SH3BP5: variants seen among roughly 807,000 people sequenced by gnomAD.
SH3BP5 encodes SH3 domain-binding protein 5.
A neutral mutation model predicts 43.3 loss-of-function variants in SH3BP5; 22 were observed. The ratio of observed to expected loss-of-function variants is 0.51; its 90% CI spans 0.36 to 0.73. The LOEUF (loss-of-function observed/expected upper bound fraction) is 0.73. Ranked by LOEUF, SH3BP5 falls within the 30% of genes least tolerant of loss-of-function variation. The pLI is 0.00. For synonymous variants in SH3BP5, 255 were observed against 225.8 expected (o/e 1.13, Z -1.16); for missense variants, 529 against 586.9 (o/e 0.90, Z 1.02).
intron 2 of SH3BP5, among the ~76,000 whole-genome samples, chr3:15,330,275 G>A (rs1382752998): frequency 6.6e-6 from 1 of 152,218 alleles, no homozygotes; most frequent in East Asian, 1.9e-4. Context: ...ACTTGGTTTA[G>A]GCCCCATGGA....
chr3:15,307,918 C>A (rs1697954949), intron 2 of SH3BP5, among the ~76,000 whole-genome samples: 1 of 152,184 alleles, frequency 6.6e-6, no homozygotes, highest in South Asian at 2.1e-4. Flanking sequence ...GAATTGAGCC[C>A]CAAAGCAGTG....
chr3:15,257,437 C>T (rs1403733621), intron 7 of SH3BP5: 1 of 260,488 alleles, frequency 3.8e-6, no homozygotes, highest in Non-Finnish European at 7.4e-6. Flanking sequence ...TACTCCACCT[C>T]AGTCCCCCAA....
intron 2 of SH3BP5, among the ~76,000 whole-genome samples, chr3:15,321,205 T>C (rs1186653918): frequency 1.3e-5 from 2 of 152,242 alleles, no homozygotes; most frequent in African/African-American, 4.8e-5. Context: ...GTAACTAAGT[T>C]CAAATATCTA....
At position 15,269,447 on chromosome 3, in the gene SH3BP5, C is replaced by T. The variant is rs150493715; in HGVS notation, c.495+266G>A. ...CTGGAAGCCTGAGTCCAGTCAAGAC[C>T]CCCTGGGGATGACCCAAACCAGACA... On this transcript the variant is annotated intron_variant, in intron 4 of 8. Coordinates refer to ENST00000383791, the MANE Select transcript of SH3BP5 (RefSeq NM_004844.5). 7.3e-3 allele frequency among the ~76,000 whole-genome samples: 1,109 copies of T among 152,196 alleles called. 12 individuals are homozygous for T. The highest frequency in any genetic ancestry group is 0.024 in the African/African-American group (976 of 41,516).
chr3:15,258,037 G>A (rs555240958), intron 7 of SH3BP5: 1 of 152,220 alleles, frequency 6.6e-6, no homozygotes, highest in Non-Finnish European at 1.5e-5. Context: ...TTGAGATGAT[G>A]TATATATTAA....
In SH3BP5 at chr3:15,265,511, G is replaced by GTC. The variant is rs1446877708; in HGVS notation, c.496-3224_496-3223dup. 2.2e-3 allele frequency among the ~76,000 whole-genome samples: 68 copies of GTC among 31,060 alleles called. 2 individuals carry two copies. The highest frequency in any genetic ancestry group is 0.013 in the African/African-American group (63 of 5,030). 20.4% of individuals were successfully genotyped at this position (31,060 alleles called of 152,430 possible). A position where few individuals can be genotyped will look rare whatever the true frequency, so the allele number is the denominator to read the frequency against. ...AGCCTGAGCTACAGGGCGAGACTCC[G>GTC]TCACACACACACACACACACACACA... On this transcript the variant is annotated intron_variant, in intron 4 of 8. Transcript: ENST00000383791.
At chr3:15,292,345 G>A (rs561072514) in intron 3 of SH3BP5, among the ~76,000 whole-genome samples, 1 of 152,234 alleles carries the variant, frequency 6.6e-6, no homozygotes, top group African/African-American at 2.4e-5. Context: ...CACCAAGGGG[G>A]GCTCAGCCAT....
intron 3 of SH3BP5, among the ~76,000 whole-genome samples, chr3:15,284,748 G>C (rs1334817663): frequency 6.6e-6 from 1 of 152,190 alleles, no homozygotes; most frequent in African/African-American, 2.4e-5. Flanking sequence ...TCTAGACAAA[G>C]TGACTTCAGT....
Position 15,258,907 on chromosome 3 carries a change from G to A in SH3BP5, c.813C>T (p.Cys271=), listed in dbSNP as rs748528831. Reference sequence around the variant, plus strand: ...TGCTGCTGCCCTCAGCACCAACACCGCATCCCCGAGGCCCCATGGCACTGG... The same window carrying A: ...TGCTGCTGCCCTCAGCACCAACACCACATCCCCGAGGCCCCATGGCACTGG... ...RRSSAMGPRG[C]GVGAEGSSTS... The change falls in exon 7 of 9, where the codon TGC becomes TGT. Residue 271 remains cysteine (C), a synonymous_variant. Transcript: ENST00000383791. 56 of 1,614,078 alleles carry A rather than the reference G, an allele frequency of 3.5e-5. No individual in the cohort carries two copies. The highest frequency in any genetic ancestry group is 6.6e-5 in the South Asian group (6 of 91,090).
At chr3:15,288,326 A>G (rs1697320363) in intron 3 of SH3BP5, among the ~76,000 whole-genome samples, 2 of 152,246 alleles carry the variant, frequency 1.3e-5, no homozygotes, top group Admixed American at 1.3e-4. Flanking sequence ...AGCCCAGTCA[A>G]GCTGACACAT....
At chr3:15,293,869 G>C (rs1254759135) in intron 3 of SH3BP5, among the ~76,000 whole-genome samples, 1 of 152,078 alleles carries the variant, frequency 6.6e-6, no homozygotes, top group Non-Finnish European at 1.5e-5. Flanking sequence ...TCTGAGGTCA[G>C]GAGTTAGAGA....
intron 2 of SH3BP5, among the ~76,000 whole-genome samples, chr3:15,330,248 T>C (rs1376079832): frequency 2.6e-5 from 4 of 152,252 alleles, no homozygotes; most frequent in Non-Finnish European, 4.4e-5. Context: ...TTAAGCGTTG[T>C]GTAACGCTCT....
chr3:15,315,987 G>A (rs567587664), intron 2 of SH3BP5, among the ~76,000 whole-genome samples: 3 of 152,160 alleles, frequency 2.0e-5, no homozygotes, highest in East Asian at 1.9e-4. Context: ...TTGGTACAAC[G>A]CTATTAATCT....
In SH3BP5 at chr3:15,332,343, G is replaced by A. The variant is rs989801080; in HGVS notation, c.66C>T (p.Asp22=). Residue 22 remains aspartate (D), a synonymous_variant, in exon 1 of 9, where the codon GAC becomes GAT. Coordinates refer to ENST00000383791, the MANE Select transcript of SH3BP5 (RefSeq NM_004844.5). ...TCCCCTCTTCCTCCTCCTCCTCCTCGTCCCGGGCAGGCGGCAGGATTTCGG... is the reference window on the plus strand; with the variant it reads ...TCCCCTCTTCCTCCTCCTCCTCCTCATCCCGGGCAGGCGGCAGGATTTCGG... ...EPAEILPPAR[D]EEEEEEEGME... The A allele has an allele frequency of 1.3e-6, 2 of 1,542,942 alleles. No individual in the cohort carries two copies. Among genetic ancestry groups the A allele is most frequent in the South Asian group, 2.4e-5 (2 of 84,242 alleles).
chr3:15,260,000 G>A, intron 5 of SH3BP5, 197 bp from the exon 6 acceptor site: 5 of 610,484 alleles, frequency 8.2e-6, no homozygotes. Context: ...GAACGACTGG[G>A]CTCACCCAGG....
intron 2 of SH3BP5, among the ~76,000 whole-genome samples, chr3:15,310,138 C>T (rs1238804778): frequency 2.0e-5 from 3 of 152,250 alleles, no homozygotes; most frequent in East Asian, 3.9e-4. Flanking sequence ...AGTGATTGTT[C>T]GATGAGCAGG....
intron 3 of SH3BP5, chr3:15,273,161 G>T: frequency 1.0e-6 from 1 of 985,314 alleles, no homozygotes; most frequent in South Asian, 4.7e-5. Flanking sequence ...AATCCCACAG[G>T]ATCCTAAAAT....
At chr3:15,333,050 G>T (rs1285105794), upstream of SH3BP5, 5 of 979,008 alleles carry the variant, frequency 5.1e-6, no homozygotes, top group East Asian at 1.1e-4. Flanking sequence ...CTCTCTGGGC[G>T]AGCCCCATAC....
At chr3:15,271,234 C>T (rs185357354) in intron 3 of SH3BP5, among the ~76,000 whole-genome samples, 24 of 151,946 alleles carry the variant, frequency 1.6e-4, no homozygotes, top group African/African-American at 3.6e-4. Context: ...AAAAATTATC[C>T]GAGCATGGTG....
Sources: allele counts gnomAD v4.1 joint callset (sites outside exome capture counted in the v4.1 genomes callset), GRCh38; gene constraint gnomAD v4.1.1; transcripts MANE v1.5; gene names NCBI Gene and HGNC (gene_info 2026-07-23, HGNC 2026-07-21).